CEP70: variants seen among roughly 807,000 people sequenced by gnomAD.
CEP70 encodes the protein centrosomal protein 70.
Under a neutral mutation model 90.9 loss-of-function variants are expected in CEP70, and 70 were observed. The ratio of observed to expected loss-of-function variants is 0.77; its 90% CI spans 0.64 to 0.94. CEP70 has a LOEUF of 0.94. Among genes scored for constraint, CEP70 ranks in the 40% least tolerant of loss-of-function variants. The pLI, the probability that CEP70 is intolerant of heterozygous loss-of-function variation, is 0.00. For missense variants in CEP70, 648 were observed against 669.0 expected (o/e 0.97, Z 0.35); for synonymous variants, 220 against 228.3 (o/e 0.96, Z 0.33).
At position 138,525,544 on chromosome 3, in the gene CEP70, C is replaced by G. The variant is rs1317894638; in HGVS notation, c.890G>C (p.Arg297Thr). The G allele has an allele frequency of 7.1e-7, 1 of 1,413,572 alleles. No individual in the cohort carries two copies. The allele number at this position is 1,413,572 out of a possible 1,614,324, so 87.6% of individuals were successfully genotyped here. The stretch of plus-strand genomic sequence containing the variant: ...CTTCTTCACCTGCTGTTTATAAAGT[C>G]TTAATTCATGCTGCGTAGGCCTGTG... Reference protein sequence around the residue: ...LETRPTQHELRLYKQQVKKLE... With the variant: ...LETRPTQHELTLYKQQVKKLE... Residue 297 changes from arginine to threonine, a missense_variant, in exon 11 of 18, where the codon AGA becomes ACA. Arg to Thr is a moderately conservative substitution (Grantham distance 71, BLOSUM62 -1). Coordinates refer to ENST00000264982, the MANE Select transcript of CEP70 (RefSeq NM_024491.4).
chr3:138,510,669 C>G (rs182599695), intron 11 of CEP70, among the ~76,000 whole-genome samples: 67 of 152,172 alleles, frequency 4.4e-4, no homozygotes, highest in African/African-American at 1.4e-3. Context: ...TGATGGCATA[C>G]TCAAATTGAA....
intron 11 of CEP70, among the ~76,000 whole-genome samples, chr3:138,510,166 C>T (rs1003763437): frequency 1.3e-5 from 2 of 151,282 alleles, no homozygotes; most frequent in African/African-American, 2.4e-5. Flanking sequence ...GTGTGTGATA[C>T]ATGCTTAGTT....
chr3:138,567,986 A>AAC (rs2040904172), intron 6 of CEP70, among the ~76,000 whole-genome samples: 1 of 152,134 alleles, frequency 6.6e-6, no homozygotes, highest in South Asian at 2.1e-4. Flanking sequence ...CAGGGGCGGC[A>AAC]ATTCCTTGGG....
intron 11 of CEP70, 99 bp from the exon 12 acceptor site, chr3:138,508,643 C>A: frequency 1.3e-6 from 1 of 756,080 alleles, no homozygotes; most frequent in Admixed American, 1.9e-5. Flanking sequence ...CTCCCAACAG[C>A]CTTATATCAC....
In CEP70 at chr3:138,537,236, G is replaced by C. The variant is rs2038354089; in HGVS notation, c.577C>G (p.Gln193Glu). The C allele has an allele frequency of 1.9e-6, 3 of 1,605,250 alleles. No homozygotes were observed. Among genetic ancestry groups the C allele is most frequent in the Non-Finnish European group, 2.6e-6 (3 of 1,176,420 alleles). ...KKEEEDRIVT[Q>E]NRVFAYLCKR... ...CACAGATAGGCAAACACTCTGTTTT[G>C]AGTGACAATGCGATCTTCTTCCTCC... The change falls in exon 7 of 18, where the codon CAA (glutamine) becomes GAA (glutamate). Residue 193 changes from glutamine to glutamate, a missense_variant. Physicochemically the swap from Gln to Glu is conservative, Grantham distance 29. Coordinates refer to ENST00000264982, the MANE Select transcript of CEP70 (RefSeq NM_024491.4).
At chr3:138,591,771 G>T in intron 2 of CEP70, 83 bp downstream of exon 2, 1 of 1,083,576 alleles carries the variant, frequency 9.2e-7, no homozygotes, top group Non-Finnish European at 1.3e-6. Context: ...TATATGTAAT[G>T]AACCTAGTAT....
intron 2 of CEP70, among the ~76,000 whole-genome samples, chr3:138,590,406 G>A (rs1228591470): frequency 6.6e-6 from 1 of 152,026 alleles, no homozygotes; most frequent in Non-Finnish European, 1.5e-5. Flanking sequence ...AGGTATCCTA[G>A]CTCTGTCTAC....
At chr3:138,558,690 C>G (rs1416693858) in intron 6 of CEP70, among the ~76,000 whole-genome samples, 1 of 152,116 alleles carries the variant, frequency 6.6e-6, no homozygotes, top group African/African-American at 2.4e-5. Flanking sequence ...TACTAGTACA[C>G]CTAGATGTCT....
chr3:138,533,552 G>A (rs2038007268), intron 7 of CEP70, among the ~76,000 whole-genome samples: 1 of 152,116 alleles, frequency 6.6e-6, no homozygotes, highest in African/African-American at 2.4e-5. Flanking sequence ...TGACTAGTTG[G>A]AGAGGGGGCA....
intron 17 of CEP70, chr3:138,496,937 C>T (rs2033992975): frequency 1.0e-6 from 1 of 986,096 alleles, no homozygotes; most frequent in African/African-American, 1.7e-5. Context: ...TATTAATGTG[C>T]CAAATATTTA....
At chr3:138,564,752 C>A (rs1208933340) in intron 6 of CEP70, among the ~76,000 whole-genome samples, 2 of 152,110 alleles carry the variant, frequency 1.3e-5, no homozygotes, top group Admixed American at 6.6e-5. Context: ...ACTGAATGGG[C>A]AAAAACCAGA....
At chr3:138,586,143 G>C (rs2042094632) in intron 2 of CEP70, among the ~76,000 whole-genome samples, 1 of 152,106 alleles carries the variant, frequency 6.6e-6, no homozygotes, top group South Asian at 2.1e-4. Flanking sequence ...AGGGTTAATA[G>C]CCAGGATGTA....
Position 138,591,910 on chromosome 3 carries a change from A to C in CEP70, c.-62T>G. 2 of 1,437,466 alleles carry C rather than the reference A, an allele frequency of 1.4e-6. No homozygotes were observed. Among genetic ancestry groups the C allele is most frequent in the Non-Finnish European group, 1.9e-6 (2 of 1,080,308 alleles). 89.0% of individuals were successfully genotyped at this position (1,437,466 alleles called of 1,614,324 possible). A position where few individuals can be genotyped will look rare whatever the true frequency, so the allele number is the denominator to read the frequency against. The stretch of plus-strand genomic sequence containing the variant: ...CACCTGGTCATTCAGGTTGATCTCA[A>C]TGAAATGATCACCCAACGAGTCTCA... On this transcript the variant is annotated 5_prime_UTR_variant, in exon 2 of 18. Coordinates refer to ENST00000264982, the MANE Select transcript of CEP70 (RefSeq NM_024491.4).
chr3:138,501,365 C>G (rs556506743), intron 13 of CEP70, among the ~76,000 whole-genome samples: 1 of 152,240 alleles, frequency 6.6e-6, no homozygotes, highest in East Asian at 1.9e-4. Context: ...GTACAAACAT[C>G]AGCACTATCC....
intron 7 of CEP70, among the ~76,000 whole-genome samples, chr3:138,534,126 G>C (rs1261034807): frequency 2.0e-5 from 3 of 152,154 alleles, no homozygotes; most frequent in African/African-American, 7.2e-5. Context: ...TTTAAAAAAT[G>C]AGAGAAAAAC....
rs190443401 is a variant in CEP70, at chr3:138,498,383, A to G, written c.1653-273T>C. On this transcript the variant is annotated intron_variant, in intron 16 of 17. Coordinates refer to ENST00000264982, the MANE Select transcript of CEP70 (RefSeq NM_024491.4). ...GACAGAGTCTTGCTCTGTCACCCAG[A>G]CTGGAGTGCAGTGGCGCTGTCTCGG... is the stretch of plus-strand genomic sequence containing the variant. 7.0e-3 allele frequency among the ~76,000 whole-genome samples: 1,039 copies of G among 148,702 alleles called. 13 individuals carry two copies. Among genetic ancestry groups the G allele is most frequent in the African/African-American group, 0.025 (994 of 40,246 alleles).
Position 138,570,367 on chromosome 3 carries a change from T to C in CEP70, c.416A>G (p.His139Arg). ...LEDESLSRACHQQNKIKDLQK... is the reference protein window; with the variant it reads ...LEDESLSRACRQQNKIKDLQK... ...AAGATCTTTTATTTTATTCTGTTGG[T>C]GGCAAGCCCTACTTAGTGATTCATC... Residue 139 changes from histidine (H) to arginine (R), a missense_variant, in exon 6 of 18, where the codon CAC (histidine) becomes CGC (arginine). Coordinates refer to ENST00000264982, the MANE Select transcript of CEP70 (RefSeq NM_024491.4). 1 of 1,600,786 alleles carries C rather than the reference T, an allele frequency of 6.2e-7. No individual in the cohort carries two copies. Among genetic ancestry groups the C allele is most frequent in the Non-Finnish European group, 8.5e-7 (1 of 1,176,010 alleles).
chr3:138,558,992 T>A (rs1034516918), intron 6 of CEP70, among the ~76,000 whole-genome samples: 1 of 152,196 alleles, frequency 6.6e-6, no homozygotes, highest in African/African-American at 2.4e-5. Flanking sequence ...ATTTAGGACA[T>A]TCACAATATT....
chr3:138,557,759 T>C (rs1225141049), intron 6 of CEP70, among the ~76,000 whole-genome samples: 1 of 152,096 alleles, frequency 6.6e-6, no homozygotes, highest in Non-Finnish European at 1.5e-5. Flanking sequence ...AAAGTAATTA[T>C]AAATGTAACC....
Sources: gnomAD v4.1 joint callset for allele counts (sites outside exome capture counted in the v4.1 genomes callset) on GRCh38, gnomAD v4.1.1 for gene constraint, MANE v1.5 for transcripts, NCBI Gene and HGNC (gene_info 2026-07-23, HGNC 2026-07-21) for gene names.